Variants in GALNT3 observed in about 807,000 individuals in gnomAD.
GALNT3 encodes GalNAc transferase 3.
In GALNT3, 51 loss-of-function variants were observed where a neutral mutation model predicts 69.8. That is an observed-to-expected ratio of 0.73 (90% confidence interval 0.58 to 0.92). The LOEUF (loss-of-function observed/expected upper bound fraction) is 0.92, where lower values mean the gene tolerates loss of function less well. Ranked by LOEUF, GALNT3 falls within the 40% of genes least tolerant of loss-of-function variation. The pLI is 0.00. For missense variants in GALNT3, 711 were observed against 760.0 expected, an observed-to-expected ratio of 0.94 and a Z score of 0.76; for synonymous variants, 265 against 248.5, an observed-to-expected ratio of 1.07 and a Z score of -0.63.
At chr2:165,786,942 G>T (rs1238759783) in intron 1 of GALNT3, among the ~76,000 whole-genome samples, 2 of 152,034 alleles carry the variant, frequency 1.3e-5, no homozygotes, top group Non-Finnish European at 2.9e-5. Context: ...CTTATTATGA[G>T]AATAAATATA....
At chr2:165,777,452 C>T (rs1433329007) in intron 1 of GALNT3, among the ~76,000 whole-genome samples, 3 of 152,128 alleles carry the variant, frequency 2.0e-5, no homozygotes, top group Non-Finnish European at 4.4e-5. Flanking sequence ...AATTTAAAGA[C>T]CTTGCCCTGA....
intron 7 of GALNT3, among the ~76,000 whole-genome samples, chr2:165,755,818 A>G (rs1445932869): frequency 6.6e-6 from 1 of 152,206 alleles, no homozygotes; most frequent in Non-Finnish European, 1.5e-5. Flanking sequence ...TCTTATGCCA[A>G]CTTTGATGTC....
At chr2:165,749,616 A>G in intron 10 of GALNT3, 126 bp downstream of exon 10, 6 of 879,740 alleles carry the variant, frequency 6.8e-6, no homozygotes, top group Non-Finnish European at 1.1e-5. Context: ...ACATAATAAC[A>G]AAGTTAATAA....
chr2:165,774,909 C>CTCT (rs1688817828), intron 1 of GALNT3, among the ~76,000 whole-genome samples: 13 of 104,324 alleles, frequency 1.2e-4, no homozygotes, highest in African/African-American at 4.9e-4. Context: ...CTTCTTCTCT[C>CTCT]TTTTTTTTTT....
intron 4 of GALNT3, 37 bp downstream of exon 4, chr2:165,761,868 G>GA (rs1558997760): frequency 6.2e-7 from 1 of 1,607,858 alleles, no homozygotes; most frequent in Admixed American, 1.7e-5. Flanking sequence ...GAGAGGGAGG[G>GA]AAAATGTTAC....
At chr2:165,753,536 A>T (rs1688389120) in intron 9 of GALNT3, among the ~76,000 whole-genome samples, 1 of 152,096 alleles carries the variant, frequency 6.6e-6, no homozygotes, top group Non-Finnish European at 1.5e-5. Flanking sequence ...TAGTTTATAG[A>T]TTTCCTAAAG....
Position 165,748,644 on chromosome 2 carries a change from G to T in GALNT3, c.*137C>A. On this transcript the variant is annotated 3_prime_UTR_variant, in exon 11 of 11. Coordinates refer to ENST00000392701, the MANE Select transcript of GALNT3 (RefSeq NM_004482.4). ...AATTTCTGTAGTAGTGCTACATAAAGATATAAATAAGAAAAATGCACTTGG... is the reference window on the plus strand; with the variant it reads ...AATTTCTGTAGTAGTGCTACATAAATATATAAATAAGAAAAATGCACTTGG... 1 of 773,558 alleles carries T rather than the reference G, an allele frequency of 1.3e-6. No homozygotes were observed. Among genetic ancestry groups the T allele is most frequent in the Non-Finnish European group, 2.1e-6 (1 of 477,542 alleles). 47.9% of individuals were successfully genotyped at this position (773,558 alleles called of 1,614,324 possible). A position where few individuals can be genotyped will look rare whatever the true frequency, so the allele number is the denominator to read the frequency against.
intron 1 of GALNT3, among the ~76,000 whole-genome samples, chr2:165,782,379 A>G (rs1683127653): frequency 1.7e-5 from 1 of 57,760 alleles, no homozygotes; most frequent in African/African-American, 6.2e-5. Context: ...AGCTGGGGGA[A>G]AAAAAAGAAT....
intron 1 of GALNT3, among the ~76,000 whole-genome samples, chr2:165,778,734 C>G (rs573201812): frequency 1.3e-5 from 2 of 152,298 alleles, no homozygotes; most frequent in East Asian, 3.9e-4. Flanking sequence ...CCATTCACAG[C>G]CGGGGGACAG....
intron 4 of GALNT3, 168 bp downstream of exon 4, chr2:165,761,737 T>C (rs1688552042): frequency 2.6e-6 from 2 of 763,976 alleles, no homozygotes; most frequent in Non-Finnish European, 4.7e-6. Context: ...AGGAATTTTC[T>C]CCACAGAGCT....
chr2:165,783,222 T>G (rs1683150008), intron 1 of GALNT3, among the ~76,000 whole-genome samples: 1 of 152,168 alleles, frequency 6.6e-6, no homozygotes, highest in Admixed American at 6.5e-5. Context: ...CCTTCACTAA[T>G]GTACTTCTTA....
chr2:165,791,921 G>A (rs528664351), intron 1 of GALNT3, among the ~76,000 whole-genome samples: 1 of 152,214 alleles, frequency 6.6e-6, no homozygotes, highest in African/African-American at 2.4e-5. Context: ...AGTGAAGAAA[G>A]AGCAATGGAC....
chr2:165,776,010 G>T (rs1431823952), intron 1 of GALNT3, among the ~76,000 whole-genome samples: 1 of 152,100 alleles, frequency 6.6e-6, no homozygotes, highest in Non-Finnish European at 1.5e-5. Context: ...AAAAGACTCA[G>T]GGATTTACGC....
intron 1 of GALNT3, among the ~76,000 whole-genome samples, chr2:165,789,486 A>C (rs539256174): frequency 1.1e-4 from 16 of 152,354 alleles, no homozygotes; most frequent in Non-Finnish European, 1.6e-4. Flanking sequence ...GTAGAGGCTA[A>C]GAAAAAGAGT....
chr2:165,764,982 G>A lies in GALNT3; in HGVS notation c.590C>T (p.Ala197Val), dbSNP rs201078015. Residue 197 changes from alanine (A) to valine (V), a missense_variant, in exon 3 of 11, where the codon GCG becomes GTG. Transcript: ENST00000392701. ...GACAGTTCTAAGCAACGTGGACCAC[G>A]CTTCATTATGAAAAACTATTATGAC... is the stretch of plus-strand genomic sequence containing the variant. ...TSVIIVFHNE[A>V]WSTLLRTVHS... 2.7e-5 allele frequency: 44 copies of A among 1,614,022 alleles called. No individual in the cohort carries two copies. The Admixed American group carries it at 4.8e-4, about 18-fold the overall frequency.
intron 1 of GALNT3, among the ~76,000 whole-genome samples, chr2:165,771,095 T>A (rs1176046583): frequency 6.6e-6 from 1 of 152,098 alleles, no homozygotes; most frequent in African/African-American, 2.4e-5. Flanking sequence ...AAATTAATTT[T>A]ATAAATATAT....
chr2:165,779,412 C>A (rs1683053254), intron 1 of GALNT3, among the ~76,000 whole-genome samples: 1 of 152,216 alleles, frequency 6.6e-6, no homozygotes, highest in African/African-American at 2.4e-5. Flanking sequence ...CTCTCCCACA[C>A]ACTGAAACTC....
chr2:165,771,178 A>T lies in GALNT3; in HGVS notation c.-108-370T>A, dbSNP rs553471206. ...GACCTCATTAAATAAATTACAAAAA[A>T]GAGAGCTCCATAAGGAAGTAAGGGT... On this transcript the variant is annotated intron_variant, in intron 1 of 10. Transcript: ENST00000392701. The T allele has an allele frequency of 3.9e-5, 6 of 152,636 alleles. No homozygotes were observed. In the South Asian group the frequency reaches 1.2e-3, roughly 32 times the overall value. The allele number at this position is 152,636 out of a possible 1,614,324, so 9.5% of individuals were successfully genotyped here.
chr2:165,764,892 C>G lies in GALNT3; in HGVS notation c.680G>C (p.Ser227Thr). 3 of 1,614,216 alleles carry G rather than the reference C, an allele frequency of 1.9e-6. No individual in the cohort carries two copies. The highest frequency in any genetic ancestry group is 2.5e-6 in the Non-Finnish European group (3 of 1,180,020). The change falls in exon 3 of 11, where the codon AGT (serine) becomes ACT (threonine). Residue 227 changes from serine (S) to threonine (T), a missense_variant. Coordinates refer to ENST00000392701, the MANE Select transcript of GALNT3 (RefSeq NM_004482.4). ...TGCATGTGCTTTCTTACCATCTACA[C>G]TAGCATCATCCACCAAAATGATTTC... Reference protein sequence around the residue: ...LKEIILVDDASVDEYLHDKLD... With the variant: ...LKEIILVDDATVDEYLHDKLD...
Sources: allele counts gnomAD v4.1 joint callset (sites outside exome capture counted in the v4.1 genomes callset), GRCh38; gene constraint gnomAD v4.1.1; transcripts MANE v1.5; gene names NCBI Gene and HGNC (gene_info 2026-07-23, HGNC 2026-07-21).